LRRC38: variants seen among roughly 807,000 people sequenced by gnomAD.
LRRC38 encodes leucine-rich repeat-containing protein 38.
Under a neutral mutation model 16.4 loss-of-function variants are expected in LRRC38, and 5 were observed. The ratio of observed to expected loss-of-function variants is 0.31; its 90% CI spans 0.16 to 0.64. The LOEUF (loss-of-function observed/expected upper bound fraction) is 0.64, where lower values mean the gene tolerates loss of function less well. Among genes scored for constraint, LRRC38 ranks in the 30% least tolerant of loss-of-function variants. The probability of loss-of-function intolerance (pLI) is 0.80; values close to 1 mark genes in which losing one functional copy is unlikely to be tolerated. For synonymous variants in LRRC38, 191 were observed against 190.2 expected (o/e 1.00, Z -0.04); for missense variants, 341 against 401.8 (o/e 0.85, Z 1.29).
In LRRC38 at chr1:13,486,954, C is replaced by T. The variant is rs111396944; in HGVS notation, c.632-10855G>A. ...GGTCGGTACCCAACCCACACTGAGCCACAGTCTGTCTCTCCCAGGACACTG... is the reference window on the plus strand; with the variant it reads ...GGTCGGTACCCAACCCACACTGAGCTACAGTCTGTCTCTCCCAGGACACTG... On this transcript the variant is annotated intron_variant, in intron 1 of 1. Transcript: ENST00000376085. Among the ~76,000 whole-genome samples, 528 of 152,260 alleles carry T rather than the reference C, an allele frequency of 3.5e-3. 5 individuals carry two copies. Among genetic ancestry groups the T allele is most frequent in the African/African-American group, 0.012 (510 of 41,528 alleles).
chr1:13,512,145 CCCACCTG>C (rs902711115), intron 1 of LRRC38, among the ~76,000 whole-genome samples: 5 of 152,122 alleles, frequency 3.3e-5, no homozygotes, highest in Non-Finnish European at 7.4e-5. Context: ...GGGAAGGACA[CCCACCTG>C]CCACCTGCCT....
Position 13,513,713 on chromosome 1 carries a change from CG to C in LRRC38, c.-121del, listed in dbSNP as rs934480466. ...GCGGGGAGCCAGAGGGCGGCCCGGG[CG>C]GGGAGGGCGTGCGCCCGGGCGTGCG... On this transcript the variant is annotated 5_prime_UTR_variant, in exon 1 of 2. Coordinates refer to ENST00000376085, the MANE Select transcript of LRRC38 (RefSeq NM_001010847.2). 6.0e-6 allele frequency: 3 copies of C among 500,380 alleles called. No homozygotes were observed. The African/African-American group carries it at 6.9e-5, about 11-fold the overall frequency. The allele number at this position is 500,380 out of a possible 1,614,324, so 31.0% of individuals were successfully genotyped here.
intron 1 of LRRC38, among the ~76,000 whole-genome samples, chr1:13,512,532 G>T (rs980864219): frequency 2.0e-5 from 3 of 152,152 alleles, no homozygotes; most frequent in Admixed American, 1.3e-4. Flanking sequence ...GTTAGGCTCG[G>T]GAAGCTGCTG....
intron 1 of LRRC38, among the ~76,000 whole-genome samples, chr1:13,500,922 A>G (rs528646414): frequency 6.6e-6 from 1 of 152,270 alleles, no homozygotes; most frequent in Non-Finnish European, 1.5e-5. Context: ...GGGAGGGGAG[A>G]GGAATGAATG....
chr1:13,506,828 A>C (rs977344576), intron 1 of LRRC38, among the ~76,000 whole-genome samples: 6 of 152,144 alleles, frequency 3.9e-5, no homozygotes, highest in African/African-American at 1.4e-4. Context: ...ATCCCTGCAA[A>C]CCATGTTCCA....
At chr1:13,482,784 A>G (rs1255155988) in intron 1 of LRRC38, among the ~76,000 whole-genome samples, 1 of 152,138 alleles carries the variant, frequency 6.6e-6, no homozygotes, top group East Asian at 1.9e-4. Context: ...TCAGCTGTCT[A>G]AGTTAAGAAT....
chr1:13,495,104 G>T (rs1639066738), intron 1 of LRRC38, among the ~76,000 whole-genome samples: 1 of 152,182 alleles, frequency 6.6e-6, no homozygotes, highest in Admixed American at 6.5e-5. Flanking sequence ...AAGGGTCAGG[G>T]ACAAAGATCC....
At chr1:13,480,740 C>T (rs1160553270) in intron 1 of LRRC38, among the ~76,000 whole-genome samples, 5 of 152,210 alleles carry the variant, frequency 3.3e-5, no homozygotes, top group Admixed American at 1.3e-4. Flanking sequence ...CCTCCTTCAC[C>T]TTCCACCATG....
chr1:13,481,569 AT>A (rs200139787), intron 1 of LRRC38, among the ~76,000 whole-genome samples: 70 of 149,926 alleles, frequency 4.7e-4, no homozygotes, highest in African/African-American at 1.6e-3. Flanking sequence ...TTTTTTTTGT[AT>A]TTTTTTAGTA....
At chr1:13,491,368 C>A (rs999299651) in intron 1 of LRRC38, among the ~76,000 whole-genome samples, 1 of 152,156 alleles carries the variant, frequency 6.6e-6, no homozygotes, top group African/African-American at 2.4e-5. Context: ...TACTCTGTCA[C>A]CCAGGCTGGA....
intron 1 of LRRC38, among the ~76,000 whole-genome samples, chr1:13,488,851 C>T (rs936142352): frequency 3.9e-5 from 6 of 152,056 alleles, no homozygotes; most frequent in Admixed American, 3.9e-4. Flanking sequence ...GGTGAGAGGC[C>T]GTCGTGCGAA....
intron 1 of LRRC38, among the ~76,000 whole-genome samples, chr1:13,488,903 C>T (rs1009088546): frequency 1.4e-4 from 22 of 152,080 alleles, no homozygotes; most frequent in Admixed American, 1.3e-3. Context: ...GCCCACCCAA[C>T]CTCATCCATT....
intron 1 of LRRC38, among the ~76,000 whole-genome samples, chr1:13,483,131 C>CT (rs572126619): frequency 8.3e-4 from 124 of 150,182 alleles, no homozygotes; most frequent in African/African-American, 2.1e-3. Context: ...GGCACAGTGT[C>CT]TTTTTTTTTT....
At chr1:13,500,343 T>C (rs1290714935) in intron 1 of LRRC38, among the ~76,000 whole-genome samples, 2 of 152,040 alleles carry the variant, frequency 1.3e-5, no homozygotes, top group African/African-American at 2.4e-5. Context: ...AAATTCTCTG[T>C]GGACAAAGCG....
intron 1 of LRRC38, among the ~76,000 whole-genome samples, chr1:13,492,792 T>C (rs908243378): frequency 1.3e-5 from 2 of 152,204 alleles, no homozygotes; most frequent in Non-Finnish European, 2.9e-5. Flanking sequence ...CAGGACCTGT[T>C]TGACTGGCAC....
chr1:13,476,081 C>T lies in LRRC38; in HGVS notation c.650G>A (p.Cys217Tyr). 1 of 1,550,494 alleles carries T rather than the reference C, an allele frequency of 6.4e-7. No individual in the cohort carries two copies. Among genetic ancestry groups the T allele is most frequent in the South Asian group, 1.2e-5 (1 of 84,042 alleles). The change falls in exon 2 of 2, where the codon TGC (cysteine) becomes TAC (tyrosine). Residue 217 changes from cysteine to tyrosine, a missense_variant. Cys to Tyr is a radical substitution (Grantham distance 194, BLOSUM62 -2). Coordinates refer to ENST00000376085, the MANE Select transcript of LRRC38 (RefSeq NM_001010847.2). The stretch of plus-strand genomic sequence containing the variant: ...CCTCCTGCTCTCCATGGGCAGGGAG[C>T]ACTGGATTTCATCAAGGCCTGAGAA... ...KLPKGLDEIQ[C>Y]SLPMESRRIS...
At chr1:13,507,449 C>T (rs191265898) in intron 1 of LRRC38, among the ~76,000 whole-genome samples, 7 of 152,322 alleles carry the variant, frequency 4.6e-5, no homozygotes, top group Admixed American at 4.6e-4. Flanking sequence ...GTTCACTCGA[C>T]CAGTGAGCAA....
At chr1:13,505,800 C>T (rs1639205256) in intron 1 of LRRC38, among the ~76,000 whole-genome samples, 1 of 151,840 alleles carries the variant, frequency 6.6e-6, no homozygotes, top group Admixed American at 6.6e-5. Flanking sequence ...GGGGAGGTGT[C>T]CTTCCAGGCA....
At chr1:13,479,362 A>G (rs892082807) in intron 1 of LRRC38, among the ~76,000 whole-genome samples, 3 of 152,240 alleles carry the variant, frequency 2.0e-5, no homozygotes, top group Non-Finnish European at 4.4e-5. Flanking sequence ...ATTTAGCTGG[A>G]GAAATTTTCT....
Sources: gnomAD v4.1 joint callset for allele counts (sites outside exome capture counted in the v4.1 genomes callset) on GRCh38, gnomAD v4.1.1 for gene constraint, MANE v1.5 for transcripts, NCBI Gene and HGNC (gene_info 2026-07-23, HGNC 2026-07-21) for gene names.